The following WNT3A variants were observed in gnomAD, a reference collection of about 807,000 sequenced individuals.
The protein encoded by WNT3A is protein Wnt-3a.
In WNT3A, 17 loss-of-function variants were observed where a neutral mutation model predicts 37.0. The observed-to-expected ratio is 0.46, with a 90% CI of 0.31 to 0.69. The LOEUF (loss-of-function observed/expected upper bound fraction) is 0.69. WNT3A is among the 30% of genes least tolerant of loss of function. The pLI is 0.05. For synonymous variants in WNT3A, 187 were observed against 211.0 expected (o/e 0.89, Z 0.99); for missense variants, 411 against 510.2 (o/e 0.81, Z 1.87).
rs754980378 is a variant in WNT3A at position 228,022,925 on chromosome 1, G to A, written c.313+17G>A. 73 of 1,588,986 alleles carry A rather than the reference G, an allele frequency of 4.6e-5. No individual in the cohort carries two copies. The highest frequency in any genetic ancestry group is 6.2e-5 in the Non-Finnish European group (72 of 1,163,932). ...TGGACAAAGGTATGGGGGTGGTCTG[G>A]GGGAGGGCAGATGAGTCTGGAGTGG... is the stretch of plus-strand genomic sequence containing the variant. On this transcript the variant is annotated intron_variant, in intron 2 of 3. Transcript: ENST00000284523.
At chr1:228,009,835 G>A (rs1400011502) in intron 1 of WNT3A, among the ~76,000 whole-genome samples, 1 of 152,214 alleles carries the variant, frequency 6.6e-6, no homozygotes, top group African/African-American at 2.4e-5. Flanking sequence ...GCCTCCCCAG[G>A]GCTGGGTGGC....
At chr1:228,017,953 T>C (rs2030579648) in intron 1 of WNT3A, among the ~76,000 whole-genome samples, 1 of 152,152 alleles carries the variant, frequency 6.6e-6, no homozygotes, top group African/African-American at 2.4e-5. Flanking sequence ...AGACCCTATC[T>C]CTACAAAAAA....
chr1:228,038,622 C>T lies in WNT3A; in HGVS notation c.314-12034C>T, dbSNP rs2031199164. 6.6e-6 allele frequency among the ~76,000 whole-genome samples: 1 copy of T among 152,178 alleles called. No individual in the cohort carries two copies. The highest frequency in any genetic ancestry group is 6.5e-5 in the Admixed American group (1 of 15,282). On this transcript the variant is annotated intron_variant, in intron 2 of 3. Transcript: ENST00000284523. The surrounding 1 kb of genome is among the most constrained non-coding windows in gnomAD (Gnocchi z 5.7). ...GTGAGCAGGCAGGAGATGGGGGCAG[C>T]ACCAGGAGGGAGGGACCCAATGCAT...
intron 1 of WNT3A, among the ~76,000 whole-genome samples, chr1:228,019,265 T>C (rs2030620397): frequency 6.6e-6 from 1 of 152,210 alleles, no homozygotes; most frequent in Admixed American, 6.5e-5. Flanking sequence ...CCCGGCTCCA[T>C]GCTGGTCATA....
chr1:228,045,282 TG>T (rs1344975331), intron 2 of WNT3A, among the ~76,000 whole-genome samples: 8 of 152,062 alleles, frequency 5.3e-5, no homozygotes, highest in Non-Finnish European at 1.0e-4. Context: ...GACAGACTCT[TG>T]TAGTAGCCAG....
chr1:228,025,497 C>T (rs7516831), intron 2 of WNT3A, among the ~76,000 whole-genome samples: 28 of 152,208 alleles, frequency 1.8e-4, no homozygotes, highest in Non-Finnish European at 3.1e-4. Context: ...CACAGGCATG[C>T]GCCACCATGC....
Position 228,037,344 on chromosome 1 carries a change from G to A in WNT3A, c.314-13312G>A, listed in dbSNP as rs1228189317. Among the ~76,000 whole-genome samples the A allele has an allele frequency of 2.0e-5, 3 of 152,140 alleles. No homozygotes were observed. The highest frequency in any genetic ancestry group is 2.9e-5 in the Non-Finnish European group (2 of 68,012). On this transcript the variant is annotated intron_variant, in intron 2 of 3. Transcript: ENST00000284523. The surrounding 1 kb of genome is among the most constrained non-coding windows in gnomAD (Gnocchi z 4.1). ...AGGACCCCTCCAGCCCCAAAGGGTG[G>A]GGAGAGTAATGAAAGGGTCCTGCGC...
chr1:228,018,507 C>T (rs2030595860), intron 1 of WNT3A, among the ~76,000 whole-genome samples: 1 of 152,070 alleles, frequency 6.6e-6, no homozygotes, highest in Non-Finnish European at 1.5e-5. Context: ...ATCCTCCCAC[C>T]TCAGCCTCCC....
chr1:228,010,874 A>G (rs769823789), intron 1 of WNT3A, among the ~76,000 whole-genome samples: 1 of 152,214 alleles, frequency 6.6e-6, no homozygotes. Flanking sequence ...AGCCCTCAAC[A>G]GAAGATGTAG....
chr1:228,030,256 G>A (rs112069582), intron 2 of WNT3A, among the ~76,000 whole-genome samples: 8 of 151,742 alleles, frequency 5.3e-5, no homozygotes, highest in South Asian at 4.2e-4. Context: ...ATTAGCCAAG[G>A]GGGGTGGTGG....
intron 1 of WNT3A, among the ~76,000 whole-genome samples, chr1:228,013,328 G>A: frequency 6.6e-6 from 1 of 152,200 alleles, no homozygotes; most frequent in African/African-American, 2.4e-5. Flanking sequence ...AGGCTGGTGA[G>A]GGGCACATGG....
chr1:228,059,644 T>C lies in WNT3A; in HGVS notation c.*179T>C. 1.5e-6 allele frequency: 2 copies of C among 1,377,362 alleles called. No individual in the cohort carries two copies. Among genetic ancestry groups the C allele is most frequent in the Non-Finnish European group, 1.9e-6 (2 of 1,073,406 alleles). The allele number at this position is 1,377,362 out of a possible 1,614,324, so 85.3% of individuals were successfully genotyped here. ...CCTACCTGAAGGCAGGGCTCCTCCC[T>C]GGAGCTAGTGTCTCCTCTCTGGTGG... On this transcript the variant is annotated 3_prime_UTR_variant, in exon 4 of 4. Coordinates refer to ENST00000284523, the MANE Select transcript of WNT3A (RefSeq NM_033131.4).
chr1:228,036,276 ATG>A (rs1295669296), intron 2 of WNT3A, among the ~76,000 whole-genome samples: 4 of 152,256 alleles, frequency 2.6e-5, no homozygotes, highest in East Asian at 3.9e-4. Context: ...GTGTGTGCAC[ATG>A]TGAGTGTACA....
chr1:228,040,713 C>T (rs1201686651), intron 2 of WNT3A, among the ~76,000 whole-genome samples: 1 of 151,720 alleles, frequency 6.6e-6, no homozygotes, highest in Non-Finnish European at 1.5e-5. Flanking sequence ...GAAACCCTTT[C>T]TCTACTAAAA....
At chr1:228,014,005 G>A (rs901601544) in intron 1 of WNT3A, among the ~76,000 whole-genome samples, 2 of 152,214 alleles carry the variant, frequency 1.3e-5, no homozygotes, top group African/African-American at 2.4e-5. Flanking sequence ...ACACCTGCCT[G>A]CATTGCAGCT....
At chr1:228,046,366 T>C (rs74732551) in intron 2 of WNT3A, among the ~76,000 whole-genome samples, 177 of 151,628 alleles carry the variant, frequency 1.2e-3, no homozygotes, top group African/African-American at 4.1e-3. Flanking sequence ...TGGTGGGTTG[T>C]GAATGTATAT....
intron 1 of WNT3A, among the ~76,000 whole-genome samples, chr1:228,011,661 C>A (rs1312162964): frequency 1.3e-5 from 2 of 152,230 alleles, no homozygotes; most frequent in Non-Finnish European, 2.9e-5. Context: ...CTCTGTCTTT[C>A]TGTCTTTTGC....
chr1:228,030,582 T>C (rs937605552), intron 2 of WNT3A, among the ~76,000 whole-genome samples: 2 of 152,136 alleles, frequency 1.3e-5, no homozygotes, highest in Non-Finnish European at 2.9e-5. Context: ...GCCTTGCCCT[T>C]GGACTTGTGC....
rs2031008656 is a variant in WNT3A at position 228,031,513 on chromosome 1, G to A, written c.313+8605G>A. ...GTGTGTGGCGTGTGATGCATTGTGT[G>A]TATGTGAGTGTGCACGTGTGTGGGA... On this transcript the variant is annotated intron_variant, in intron 2 of 3. Transcript: ENST00000284523. The surrounding 1 kb of genome is among the most constrained non-coding windows in gnomAD (Gnocchi z 4.8). Among the ~76,000 whole-genome samples the A allele has an allele frequency of 1.3e-5, 2 of 152,148 alleles. No homozygotes were observed. Among genetic ancestry groups the A allele is most frequent in the African/African-American group, 4.8e-5 (2 of 41,434 alleles).
Sources: allele counts gnomAD v4.1 joint callset (sites outside exome capture counted in the v4.1 genomes callset), GRCh38; gene constraint gnomAD v4.1.1; non-coding constraint Gnocchi (gnomAD v3.1); transcripts MANE v1.5; gene names NCBI Gene and HGNC (gene_info 2026-07-23, HGNC 2026-07-21).